NFIC: variants seen among roughly 807,000 people sequenced by gnomAD.
The protein encoded by NFIC is nuclear factor 1 C-type.
Under a neutral mutation model 54.4 loss-of-function variants are expected in NFIC, and 12 were observed. The ratio of observed to expected loss-of-function variants is 0.22; its 90% CI spans 0.14 to 0.36. The LOEUF (loss-of-function observed/expected upper bound fraction) is 0.36. NFIC is among the 10% of genes least tolerant of loss of function. The pLI is 1.00. For missense variants in NFIC, 575 were observed against 718.2 expected, an observed-to-expected ratio of 0.80 and a Z score of 2.28; for synonymous variants, 322 against 319.2, an observed-to-expected ratio of 1.01 and a Z score of -0.09.
intron 6 of NFIC, among the ~76,000 whole-genome samples, chr19:3,443,633 C>T (rs2082326675): frequency 6.6e-6 from 1 of 151,964 alleles, no homozygotes; most frequent in African/African-American, 2.4e-5. Flanking sequence ...GATCATGGGA[C>T]GCAGAGTCTC....
In NFIC at chr19:3,453,659, G is replaced by C. The variant is rs1027973631; in HGVS notation, c.1270-104G>C. On this transcript the variant is annotated intron_variant, in intron 8 of 10. Transcript: ENST00000443272. The surrounding 1 kb of genome is among the most constrained non-coding windows in gnomAD (Gnocchi z 6.7). ...CACCCGCGCCCTGGCCCCCCAGCCTGCCACCCCGTCCGGGCCGTGCACAGA... is the reference window on the plus strand; with the variant it reads ...CACCCGCGCCCTGGCCCCCCAGCCTCCCACCCCGTCCGGGCCGTGCACAGA... 1.3e-5 allele frequency: 18 copies of C among 1,436,454 alleles called. No individual in the cohort carries two copies. The highest frequency in any genetic ancestry group is 1.6e-5 in the Non-Finnish European group (17 of 1,092,936). The allele number at this position is 1,436,454 out of a possible 1,614,324, so 89.0% of individuals were successfully genotyped here.
intron 1 of NFIC, among the ~76,000 whole-genome samples, chr19:3,376,977 A>C (rs1478416228): frequency 6.7e-6 from 1 of 150,108 alleles, no homozygotes; most frequent in Admixed American, 6.7e-5. Context: ...TGATCCACCC[A>C]CCTCGGCCTC....
chr19:3,380,576 G>A (rs1401632588), intron 1 of NFIC, among the ~76,000 whole-genome samples: 1 of 147,810 alleles, frequency 6.8e-6, no homozygotes, highest in Non-Finnish European at 1.5e-5. Context: ...TGATCCACCT[G>A]CTTCGGTCTC....
intron 2 of NFIC, among the ~76,000 whole-genome samples, chr19:3,424,385 A>C (rs1398048229): frequency 2.7e-5 from 4 of 149,914 alleles, no homozygotes; most frequent in South Asian, 2.1e-4. Context: ...GGGACTTGCT[A>C]TGTTGCTCAG....
chr19:3,366,547 T>TG (rs1297245047), upstream of NFIC: 195 of 353,024 alleles, frequency 5.5e-4, no homozygotes, highest in South Asian at 7.9e-4. Context: ...GGGGGGGGGT[T>TG]GGGGGGGGCG....
At chr19:3,444,882 T>C (rs543410932) in intron 6 of NFIC, among the ~76,000 whole-genome samples, 73 of 151,668 alleles carry the variant, frequency 4.8e-4, no homozygotes, top group Middle Eastern at 3.5e-3. Context: ...CACACATGTA[T>C]GCATGCATGC....
intron 6 of NFIC, among the ~76,000 whole-genome samples, chr19:3,440,454 ATCTC>A (rs1486946826): frequency 6.6e-6 from 1 of 150,706 alleles, no homozygotes; most frequent in African/African-American, 2.4e-5. Flanking sequence ...TTGAGACGGA[ATCTC>A]TCTCTGTCGC....
rs777727186 is a variant in NFIC at position 3,452,101 on chromosome 19, CAAAAAA to C, written c.1085-364_1085-359del. Among the ~76,000 whole-genome samples the C allele has an allele frequency of 9.2e-5, 5 of 54,530 alleles. No individual in the cohort carries two copies. The highest frequency in any genetic ancestry group is 2.8e-4 in the African/African-American group (5 of 17,862). The allele number at this position is 54,530 out of a possible 152,430, so 35.8% of individuals were successfully genotyped here. On this transcript the variant is annotated intron_variant, in intron 7 of 10. Coordinates refer to ENST00000443272, the MANE Select transcript of NFIC (RefSeq NM_001245002.2). This position sits in a 1 kb window ranked among gnomAD's most constrained non-coding sequence, Gnocchi z 5.3. Reference sequence around the variant, plus strand: ...TGCACTCCAGCCTGGGTGACTGTCTCAAAAAAAAAAAAAAAAAAAAAAGACCAGGCT... The same window carrying C: ...TGCACTCCAGCCTGGGTGACTGTCTCAAAAAAAAAAAAAAAAGACCAGGCT...
At chr19:3,386,989 C>T (rs992874781) in intron 2 of NFIC, among the ~76,000 whole-genome samples, 1 of 152,212 alleles carries the variant, frequency 6.6e-6, no homozygotes, top group Non-Finnish European at 1.5e-5. Context: ...TTTTCCGAAC[C>T]GAGAGTCCCC....
At chr19:3,365,331 G>A (rs1363109883), upstream of NFIC, among the ~76,000 whole-genome samples, 1 of 152,240 alleles carries the variant, frequency 6.6e-6, no homozygotes, top group African/African-American at 2.4e-5. Context: ...TTTGACCCAA[G>A]GTCAAGGCTC....
At chr19:3,454,319 TATC>T in intron 9 of NFIC, 1 of 979,960 alleles carries the variant, frequency 1.0e-6, no homozygotes, top group South Asian at 4.6e-5. Flanking sequence ...AATCGGTTGT[TATC>T]ATTTTAAAAT....
chr19:3,434,519 C>G (rs924379727), intron 5 of NFIC, 119 bp downstream of exon 5: 1 of 1,393,886 alleles, frequency 7.2e-7, no homozygotes, highest in African/African-American at 1.5e-5. Flanking sequence ...TTCACCTGGC[C>G]TGAGAAACTC....
At chr19:3,425,349 A>G (rs1281137675) in intron 3 of NFIC, among the ~76,000 whole-genome samples, 172 bp downstream of exon 3, 1 of 152,080 alleles carries the variant, frequency 6.6e-6, no homozygotes. Flanking sequence ...GGAACCCACG[A>G]CTCTGAGCTC....
chr19:3,385,446 G>A (rs188643143), intron 2 of NFIC, among the ~76,000 whole-genome samples: 4 of 152,158 alleles, frequency 2.6e-5, no homozygotes, highest in Admixed American at 6.6e-5. Context: ...GCATCGTGAA[G>A]ACCAGGCACT....
At chr19:3,438,409 T>C (rs1599691036) in intron 6 of NFIC, among the ~76,000 whole-genome samples, 1 of 148,410 alleles carries the variant, frequency 6.7e-6, no homozygotes, top group Admixed American at 6.7e-5. Context: ...GATGGCAAAC[T>C]CACTCCCTCC....
chr19:3,456,860 A>C (rs1400953197), intron 10 of NFIC: 2 of 583,588 alleles, frequency 3.4e-6, no homozygotes, highest in African/African-American at 3.8e-5. Context: ...CCCCAGACTC[A>C]GCCTGTGGGG....
intron 2 of NFIC, among the ~76,000 whole-genome samples, chr19:3,389,885 A>G (rs1045263557): frequency 1.3e-5 from 2 of 152,168 alleles, no homozygotes; most frequent in Non-Finnish European, 2.9e-5. Context: ...TCAGGAGGCT[A>G]AGGCAGGAGA....
upstream of NFIC, chr19:3,366,422 G>A (rs565756666): frequency 4.1e-6 from 2 of 484,670 alleles, no homozygotes; most frequent in Admixed American, 4.4e-5. Context: ...AGAGAGAGAC[G>A]GAGGGAGAGA....
At position 3,463,292 on chromosome 19, in the gene NFIC, C is replaced by T; in HGVS notation, c.*523C>T. 1 of 989,292 alleles carries T rather than the reference C, an allele frequency of 1.0e-6. No homozygotes were observed. Among genetic ancestry groups the T allele is most frequent in the Non-Finnish European group, 1.2e-6 (1 of 832,922 alleles). 61.3% of individuals were successfully genotyped at this position (989,292 alleles called of 1,614,324 possible). A position where few individuals can be genotyped will look rare whatever the true frequency, so the allele number is the denominator to read the frequency against. Reference sequence around the variant, plus strand: ...CCCGGGCCCCCGCGCCTCTGCCGGACACGGACCGGCCCCTCAGCCCCCACC... The same window carrying T: ...CCCGGGCCCCCGCGCCTCTGCCGGATACGGACCGGCCCCTCAGCCCCCACC... On this transcript the variant is annotated 3_prime_UTR_variant, in exon 11 of 11. Coordinates refer to ENST00000443272, the MANE Select transcript of NFIC (RefSeq NM_001245002.2).
Sources: gnomAD v4.1 joint callset for allele counts (sites outside exome capture counted in the v4.1 genomes callset) on GRCh38, gnomAD v4.1.1 for gene constraint, Gnocchi (gnomAD v3.1) non-coding constraint, MANE v1.5 for transcripts, NCBI Gene and HGNC (gene_info 2026-07-23, HGNC 2026-07-21) for gene names.